Variants in CDC14A observed in about 807,000 individuals in gnomAD.
CDC14A encodes the protein cell division cycle 14A, also known as dual specificity protein phosphatase CDC14A.
A neutral mutation model predicts 74.4 loss-of-function variants in CDC14A; 53 were observed. The ratio of observed to expected loss-of-function variants is 0.71; its 90% confidence interval spans 0.57 to 0.89. The LOEUF is 0.89. Ranked by LOEUF, CDC14A falls within the 40% of genes least tolerant of loss-of-function variation. CDC14A has a pLI of 0.00. For missense variants in CDC14A, 646 were observed against 713.7 expected (o/e 0.91, Z 1.08); for synonymous variants, 247 against 258.4 (o/e 0.96, Z 0.43).
intron 4 of CDC14A, among the ~76,000 whole-genome samples, chr1:100,416,621 G>A (rs552678689): frequency 2.0e-5 from 3 of 152,182 alleles, no homozygotes; most frequent in Non-Finnish European, 4.4e-5. Flanking sequence ...TTAGGGTGAA[G>A]GTGTGAGAAA....
In CDC14A at chr1:100,406,388, A is replaced by G. The variant is rs189081357; in HGVS notation, c.309+15564A>G. 2.5e-3 allele frequency among the ~76,000 whole-genome samples: 387 copies of G among 152,176 alleles called. 1 individual carries two copies. The highest frequency in any genetic ancestry group is 8.3e-3 in the African/African-American group (343 of 41,516). The stretch of plus-strand genomic sequence containing the variant: ...TGCAGAAGCTCTTTAGTTCAATTAG[A>G]TCCCATTTGTCAATTTTTTCTTTTG... On this transcript the variant is annotated intron_variant, in intron 4 of 15. Transcript: ENST00000336454.
At chr1:100,517,187 T>C (rs1487734505) in intron 15 of CDC14A, among the ~76,000 whole-genome samples, 1 of 152,248 alleles carries the variant, frequency 6.6e-6, no homozygotes, top group African/African-American at 2.4e-5. Context: ...ACTGCAGTTT[T>C]GAAGCTGAGA....
intron 10 of CDC14A, 143 bp from the exon 11 acceptor site, chr1:100,484,149 T>G: frequency 2.1e-6 from 1 of 477,796 alleles, no homozygotes; most frequent in South Asian, 4.2e-5. Context: ...TATTCTAAGA[T>G]ATCATAATCT....
intron 10 of CDC14A, among the ~76,000 whole-genome samples, chr1:100,468,451 A>G (rs1286493746): frequency 1.3e-5 from 2 of 152,280 alleles, no homozygotes; most frequent in South Asian, 2.1e-4. Flanking sequence ...ATGAGAAAAA[A>G]AAAACCACAA....
chr1:100,394,089 T>A (rs1169546169), intron 4 of CDC14A: 3 of 210,724 alleles, frequency 1.4e-5, no homozygotes, highest in Non-Finnish European at 2.7e-5. Context: ...CTCCCTTGCA[T>A]CTTCTCTCTC....
At chr1:100,475,828 A>G (rs1668835827) in intron 10 of CDC14A, among the ~76,000 whole-genome samples, 1 of 152,164 alleles carries the variant, frequency 6.6e-6, no homozygotes, top group South Asian at 2.1e-4. Flanking sequence ...TGCCTGGTTG[A>G]GGTGGACTTC....
At chr1:100,501,760 C>T (rs889763336) in intron 15 of CDC14A, among the ~76,000 whole-genome samples, 10 of 152,150 alleles carry the variant, frequency 6.6e-5, no homozygotes, top group Non-Finnish European at 1.2e-4. Flanking sequence ...TGTGTTACTG[C>T]TCCTGAAGAC....
intron 11 of CDC14A, chr1:100,485,846 TG>T (rs1669971931): frequency 6.6e-6 from 1 of 152,168 alleles, no homozygotes; most frequent in Admixed American, 6.5e-5. Flanking sequence ...TGGAGACCGT[TG>T]GAAGAAATGA....
chr1:100,480,142 A>G (rs764302239), intron 10 of CDC14A, among the ~76,000 whole-genome samples: 2 of 152,164 alleles, frequency 1.3e-5, no homozygotes, highest in Non-Finnish European at 2.9e-5. Context: ...TGAACAATAA[A>G]TCACCATTAT....
intron 4 of CDC14A, among the ~76,000 whole-genome samples, chr1:100,403,510 A>T (rs1351152030): frequency 6.6e-6 from 1 of 152,212 alleles, no homozygotes; most frequent in Non-Finnish European, 1.5e-5. Flanking sequence ...TGCAATTAAC[A>T]TGAATGGCTT....
At chr1:100,347,035 A>G (rs1205882730) in intron 1 of CDC14A, among the ~76,000 whole-genome samples, 2 of 152,234 alleles carry the variant, frequency 1.3e-5, no homozygotes, top group Non-Finnish European at 2.9e-5. Flanking sequence ...TCATTCGGAG[A>G]TTATTTCAAT....
chr1:100,376,246 A>G (rs7535756), intron 2 of CDC14A, among the ~76,000 whole-genome samples: 8,076 of 152,288 alleles, frequency 0.053, 387 homozygotes, highest in African/African-American at 0.12. Context: ...GCACATGTAT[A>G]CATATGTAAC....
chr1:100,498,845 G>C (rs1648290130), intron 14 of CDC14A, 84 bp from the exon 15 acceptor site: 1 of 1,494,414 alleles, frequency 6.7e-7, no homozygotes, highest in Non-Finnish European at 8.9e-7. Flanking sequence ...CTAATGTCAT[G>C]AGTATGTGTT....
intron 10 of CDC14A, among the ~76,000 whole-genome samples, chr1:100,479,714 G>A (rs1669265282): frequency 6.6e-6 from 1 of 152,122 alleles, no homozygotes; most frequent in African/African-American, 2.4e-5. Context: ...ACTATTTACT[G>A]AAAATGACAT....
chr1:100,414,812 G>A (rs924258687), intron 4 of CDC14A, among the ~76,000 whole-genome samples: 17 of 152,144 alleles, frequency 1.1e-4, no homozygotes, highest in Admixed American at 7.2e-4. Context: ...CTCAGCTTGC[G>A]TAAGACTAAG....
chr1:100,466,642 G>C (rs1200643702), intron 9 of CDC14A, among the ~76,000 whole-genome samples: 1 of 152,108 alleles, frequency 6.6e-6, no homozygotes, highest in East Asian at 1.9e-4. Context: ...AGGCCGAGGA[G>C]GGCAGATCAC....
rs201476207 is a variant in CDC14A, at chr1:100,498,105, G to T, written c.1319G>T (p.Gly440Val). Residue 440 changes from glycine (G) to valine (V), a missense_variant, in exon 14 of 16, where the codon GGA becomes GTA. Gly to Val is a moderately radical substitution (Grantham distance 109). Coordinates refer to ENST00000336454, the MANE Select transcript of CDC14A (RefSeq NM_003672.4). ...CAAAGATTAAGTTCATCCCTGCAAG[G>T]ATCTGCAGTTACTTTGAAGACATCA... ...QPFRLSSSLQ[G>V]SAVTLKTSKM... is the part of the protein sequence containing the mutation. The T allele has an allele frequency of 4.8e-5, 78 of 1,614,044 alleles. No individual in the cohort carries two copies. The highest frequency in any genetic ancestry group is 6.4e-5 in the Non-Finnish European group (76 of 1,179,962).
intron 10 of CDC14A, chr1:100,480,888 T>C (rs907909869): frequency 6.6e-6 from 1 of 152,216 alleles, no homozygotes; most frequent in Non-Finnish European, 1.5e-5. Context: ...TCCTCAGTTT[T>C]TTCCTTCTAG....
intron 5 of CDC14A, among the ~76,000 whole-genome samples, chr1:100,437,189 G>GA (rs1033503752): frequency 4.9e-4 from 74 of 151,296 alleles, no homozygotes; most frequent in African/African-American, 1.7e-3. Context: ...CTGTTTCAAA[G>GA]AAAAAAAAAT....
Sources: allele counts gnomAD v4.1 joint callset (sites outside exome capture counted in the v4.1 genomes callset), GRCh38; gene constraint gnomAD v4.1.1; transcripts MANE v1.5; gene names NCBI Gene and HGNC (gene_info 2026-07-23, HGNC 2026-07-21).